Variants in GABRR2 observed in about 807,000 individuals in gnomAD.
The protein encoded by GABRR2 is gamma-aminobutyric acid type A receptor subunit rho2.
A neutral mutation model predicts 47.0 loss-of-function variants in GABRR2; 36 were observed. The ratio of observed to expected loss-of-function variants is 0.77; its 90% CI spans 0.59 to 1.01. The LOEUF (loss-of-function observed/expected upper bound fraction) is 1.01, where lower values mean the gene tolerates loss of function less well. GABRR2 is among the 50% of genes least tolerant of loss of function. GABRR2 has a pLI of 0.00. For missense variants in GABRR2, 587 were observed against 594.6 expected (o/e 0.99, Z 0.13); for synonymous variants, 204 against 227.5 (o/e 0.90, Z 0.93).
chr6:89,264,265 G>C, intron 8 of GABRR2, 147 bp downstream of exon 8: 1 of 973,008 alleles, frequency 1.0e-6, no homozygotes. Context: ...GTAGAAGCCA[G>C]AACCTATTCT....
chr6:89,279,697 C>CT, intron 2 of GABRR2, among the ~76,000 whole-genome samples: 1 of 70,158 alleles, frequency 1.4e-5, no homozygotes, highest in Admixed American at 1.5e-4. Flanking sequence ...AAAAAAAAAA[C>CT]CCCACTGATA....
chr6:89,271,636 A>T lies in GABRR2; in HGVS notation c.288+19T>A. On this transcript the variant is annotated intron_variant, in intron 3 of 8. Transcript: ENST00000402938. ...ACACTACAGGCTCTCACGCTGTGTC[A>T]CTGGAGGCCGCTGCATACCATGTCC... 6.2e-7 allele frequency: 1 copy of T among 1,604,266 alleles called. No homozygotes were observed. Among genetic ancestry groups the T allele is most frequent in the South Asian group, 1.1e-5 (1 of 89,354 alleles).
intron 2 of GABRR2, among the ~76,000 whole-genome samples, chr6:89,277,185 C>T (rs1774176402): frequency 6.6e-6 from 1 of 152,142 alleles, no homozygotes; most frequent in Non-Finnish European, 1.5e-5. Flanking sequence ...TAAGTGAGTT[C>T]TCTCAAGATC....
chr6:89,297,045 G>C (rs1441002019), intron 2 of GABRR2, among the ~76,000 whole-genome samples: 1 of 152,098 alleles, frequency 6.6e-6, no homozygotes, highest in Non-Finnish European at 1.5e-5. Flanking sequence ...ACATTGTTCG[G>C]AATAGCACCC....
chr6:89,297,092 C>T (rs1774568598), intron 2 of GABRR2, among the ~76,000 whole-genome samples: 1 of 152,174 alleles, frequency 6.6e-6, no homozygotes, highest in Non-Finnish European at 1.5e-5. Flanking sequence ...CACACTGAGG[C>T]ACGGCCACGT....
At chr6:89,276,089 C>A (rs543262260) in intron 2 of GABRR2, among the ~76,000 whole-genome samples, 1 of 146,792 alleles carries the variant, frequency 6.8e-6, no homozygotes, top group Non-Finnish European at 1.5e-5. Flanking sequence ...AATTATAAAT[C>A]ATTATTTATA....
chr6:89,277,839 T>C (rs1774190596), intron 2 of GABRR2, among the ~76,000 whole-genome samples: 1 of 113,648 alleles, frequency 8.8e-6, no homozygotes, highest in Admixed American at 1.2e-4. Flanking sequence ...CAACAGGAAC[T>C]CTCATACCTT....
At chr6:89,297,784 C>A (rs2325201) in intron 2 of GABRR2, among the ~76,000 whole-genome samples, 89,903 of 151,970 alleles carry the variant, frequency 0.59, 26,942 homozygotes, top group Admixed American at 0.65. Context: ...ACCTGAGAGG[C>A]AGAGGTTGCA....
chr6:89,298,770 A>C (rs1380917489), intron 2 of GABRR2, among the ~76,000 whole-genome samples: 2 of 152,168 alleles, frequency 1.3e-5, no homozygotes, highest in African/African-American at 4.8e-5. Context: ...ACAAATGTGT[A>C]TGTTGCAATC....
At chr6:89,288,929 C>T (rs867691197) in intron 2 of GABRR2, among the ~76,000 whole-genome samples, 3 of 152,220 alleles carry the variant, frequency 2.0e-5, no homozygotes, top group South Asian at 2.1e-4. Context: ...AGGCGTAAGA[C>T]ACCGTGCCCA....
chr6:89,264,484 C>T lies in GABRR2; in HGVS notation c.1014G>A (p.Ser338=), dbSNP rs142417749. 1.4e-5 allele frequency: 23 copies of T among 1,613,940 alleles called. 1 individual carries two copies. The Admixed American group carries it at 2.0e-4, about 14-fold the overall frequency. Residue 338 remains serine, a synonymous_variant, in exon 8 of 9, where the codon TCG becomes TCA. Transcript: ENST00000402938. The part of the protein sequence containing the change: ...LWVSFVFVFL[S]VLEYAAVNYL... ...AGTTGACAGCCGCATACTCCAGCAC[C>T]GAGAGGAACACGAACACAAAGCTGA...
At chr6:89,273,578 C>T (rs1414460824) in intron 2 of GABRR2, among the ~76,000 whole-genome samples, 1 of 152,176 alleles carries the variant, frequency 6.6e-6, no homozygotes, top group Non-Finnish European at 1.5e-5. Context: ...TTTGAGGGTG[C>T]CAGAAATGGG....
At chr6:89,306,519 GC>G (rs913615912) in intron 1 of GABRR2, among the ~76,000 whole-genome samples, 2 of 152,206 alleles carry the variant, frequency 1.3e-5, no homozygotes, top group African/African-American at 4.8e-5. Context: ...CTGGGACAAA[GC>G]CTTCCTCCTT....
In GABRR2 at chr6:89,256,534, ACCT is replaced by A. The variant is rs1424914620; in HGVS notation, c.*1133_*1135del. 6.6e-6 allele frequency among the ~76,000 whole-genome samples: 1 copy of A among 151,564 alleles called. No homozygotes were observed. The highest frequency in any genetic ancestry group is 1.5e-5 in the Non-Finnish European group (1 of 67,894). ...AAGGACTAACCTTTACTAGGAAGCA[ACCT>A]CTATGCCCTTGGAATGTCCTGTGAG... is the stretch of plus-strand genomic sequence containing the variant. On this transcript the variant is annotated 3_prime_UTR_variant, in exon 9 of 9. Transcript: ENST00000402938.
intron 4 of GABRR2, 95 bp downstream of exon 4, chr6:89,268,916 G>T (rs74555654): frequency 7.2e-6 from 8 of 1,114,502 alleles, no homozygotes; most frequent in Admixed American, 5.8e-5. Context: ...CGAACCCACA[G>T]ACCCAACCGC....
chr6:89,291,242 G>T (rs1774434872), intron 2 of GABRR2, among the ~76,000 whole-genome samples: 1 of 151,854 alleles, frequency 6.6e-6, no homozygotes, highest in Non-Finnish European at 1.5e-5. Context: ...ATCAGCTGTG[G>T]CCTGGAGCAT....
intron 2 of GABRR2, among the ~76,000 whole-genome samples, chr6:89,297,981 G>C (rs1774586427): frequency 6.6e-6 from 1 of 152,232 alleles, no homozygotes; most frequent in African/African-American, 2.4e-5. Context: ...GGGACGCCTT[G>C]CTTAGACTTC....
chr6:89,269,583 CA>C (rs889004019), intron 3 of GABRR2, among the ~76,000 whole-genome samples: 9 of 152,224 alleles, frequency 5.9e-5, no homozygotes, highest in Non-Finnish European at 8.8e-5. Flanking sequence ...GTTCCTTACC[CA>C]TTGGCTAACC....
intron 1 of GABRR2, chr6:89,302,569 C>T: frequency 2.0e-6 from 2 of 1,009,154 alleles, no homozygotes; most frequent in African/African-American, 1.6e-5. Context: ...GCCTGCACTT[C>T]TTCATGCCAG....
Sources: allele counts gnomAD v4.1 joint callset (sites outside exome capture counted in the v4.1 genomes callset), GRCh38; gene constraint gnomAD v4.1.1; transcripts MANE v1.5; gene names NCBI Gene and HGNC (gene_info 2026-07-23, HGNC 2026-07-21).